Variants in LYST observed in about 807,000 individuals in gnomAD.
LYST encodes lysosomal trafficking regulator.
In LYST, 192 loss-of-function variants were observed where a neutral mutation model predicts 413.6. The ratio of observed to expected loss-of-function variants is 0.46; its 90% CI spans 0.41 to 0.52. The LOEUF (loss-of-function observed/expected upper bound fraction) is 0.52. LYST is among the 20% of genes least tolerant of loss of function. The pLI is 0.00. For synonymous variants in LYST, 1,525 were observed against 1,567.3 expected, an observed-to-expected ratio of 0.97 and a Z score of 0.64; for missense variants, 3,815 against 4,499.9, an observed-to-expected ratio of 0.85 and a Z score of 4.35.
chr1:235,747,392 T>C (rs1465551216), intron 28 of LYST: 2 of 290,064 alleles, frequency 6.9e-6, no homozygotes, highest in Non-Finnish European at 1.4e-5. Context: ...CAAAAATTAC[T>C]TACATATGAC....
At chr1:235,685,914 G>C (rs1252999178) in intron 48 of LYST, among the ~76,000 whole-genome samples, 2 of 151,394 alleles carry the variant, frequency 1.3e-5, no homozygotes, top group Non-Finnish European at 2.9e-5. Context: ...CCCTATGCTA[G>C]AAATACAGGT....
At chr1:235,694,230 G>A (rs1037264245) in intron 46 of LYST, among the ~76,000 whole-genome samples, 3 of 151,892 alleles carry the variant, frequency 2.0e-5, no homozygotes, top group Non-Finnish European at 2.9e-5. Flanking sequence ...GGCCAGGCTG[G>A]TCTCGAACTC....
intron 44 of LYST, among the ~76,000 whole-genome samples, chr1:235,703,973 T>C (rs529689180): frequency 6.6e-6 from 1 of 152,254 alleles, no homozygotes; most frequent in South Asian, 2.1e-4. Context: ...TGAGTTCTCA[T>C]TTAGCTTCCA....
Position 235,715,096 on chromosome 1 carries a change from G to T in LYST, c.9784+105C>A, listed in dbSNP as rs1397496083. On this transcript the variant is annotated intron_variant, in intron 42 of 52. Transcript: ENST00000389793. ...AATAGAATTCTTTTTCCTGTAGTTT[G>T]ATTAGTCTTAATAGTTCTTAAAATG... 3.1e-5 allele frequency: 32 copies of T among 1,038,960 alleles called. 1 individual carries two copies. Among genetic ancestry groups the T allele is most frequent in the Non-Finnish European group, 4.6e-5 (31 of 676,332 alleles). The allele number at this position is 1,038,960 out of a possible 1,614,324, so 64.4% of individuals were successfully genotyped here.
intron 31 of LYST, among the ~76,000 whole-genome samples, chr1:235,741,005 T>C (rs1005108385): frequency 6.6e-5 from 10 of 152,228 alleles, no homozygotes; most frequent in Non-Finnish European, 1.0e-4. Flanking sequence ...AAATGATTAA[T>C]AATTTTTATC....
intron 48 of LYST, among the ~76,000 whole-genome samples, chr1:235,683,212 C>T (rs778506384): frequency 1.8e-4 from 27 of 152,202 alleles, no homozygotes; most frequent in Non-Finnish European, 3.2e-4. Context: ...ACTGATGGGT[C>T]AGAAAATAAC....
intron 45 of LYST, among the ~76,000 whole-genome samples, chr1:235,701,177 T>C (rs868129745): frequency 2.0e-5 from 3 of 152,166 alleles, no homozygotes; most frequent in African/African-American, 7.2e-5. Context: ...ACAAAGGTTC[T>C]GAGGTGGGAA....
intron 11 of LYST, among the ~76,000 whole-genome samples, 167 bp downstream of exon 11, chr1:235,793,336 C>G (rs1323782467): frequency 2.0e-5 from 3 of 152,036 alleles, no homozygotes; most frequent in African/African-American, 7.2e-5. Context: ...AAAATATATG[C>G]AAATAATTGA....
chr1:235,835,984 C>T (rs796296234), intron 1 of LYST, among the ~76,000 whole-genome samples: 14 of 152,210 alleles, frequency 9.2e-5, no homozygotes, highest in Admixed American at 1.3e-4. Context: ...CTTGCCCCAA[C>T]GATATTCGTA....
intron 39 of LYST, among the ~76,000 whole-genome samples, chr1:235,723,031 ACT>A (rs1342400363): frequency 2.6e-5 from 4 of 152,172 alleles, no homozygotes; most frequent in East Asian, 1.9e-4. Flanking sequence ...AAGCAGTCAG[ACT>A]CTCGATGTAT....
intron 30 of LYST, among the ~76,000 whole-genome samples, chr1:235,742,148 T>C (rs1333417723): frequency 6.6e-6 from 1 of 152,014 alleles, no homozygotes; most frequent in Non-Finnish European, 1.5e-5. Flanking sequence ...GCACGGAGTT[T>C]CATTTGGGAT....
chr1:235,669,659 A>G (rs1009190749), intron 50 of LYST, among the ~76,000 whole-genome samples: 22 of 152,224 alleles, frequency 1.4e-4, no homozygotes, highest in African/African-American at 3.6e-4. Flanking sequence ...GTGAGCATAA[A>G]GTGGCCAATG....
chr1:235,757,339 T>C lies in LYST; in HGVS notation c.7001A>G (p.Asp2334Gly). 7 of 1,613,764 alleles carry C rather than the reference T, an allele frequency of 4.3e-6. No homozygotes were observed. Among genetic ancestry groups the C allele is most frequent in the Non-Finnish European group, 5.9e-6 (7 of 1,179,820 alleles). The change falls in exon 24 of 53, where the codon GAT becomes GGT. Residue 2334 changes from aspartate (D) to glycine (G), a missense_variant. Coordinates refer to ENST00000389793, the MANE Select transcript of LYST (RefSeq NM_000081.4). ...GTGGTTAACGAGGACCAAAAGTGTA[T>C]CTGCTTGAATAAGCTTGTCCATCAC... ...EDVMDKLIQA[D>G]TLLVLVNHPS...
chr1:235,797,572 A>T (rs1232042817), intron 10 of LYST, among the ~76,000 whole-genome samples: 1 of 152,110 alleles, frequency 6.6e-6, no homozygotes, highest in African/African-American at 2.4e-5. Flanking sequence ...TTCACACGCA[A>T]AATAATAATA....
At chr1:235,826,668 G>A (rs1252813276) in intron 3 of LYST, among the ~76,000 whole-genome samples, 1 of 152,096 alleles carries the variant, frequency 6.6e-6, no homozygotes, top group African/African-American at 2.4e-5. Flanking sequence ...GATGACACAG[G>A]TGTAAATATT....
chr1:235,780,926 C>A lies in LYST; in HGVS notation c.5153G>T (p.Arg1718Leu), dbSNP rs369847918. ...AAAAAGTTCTCTGATTTGTTCACATCGCAAAATTTCTTTATTAATATATTT... is the reference window on the plus strand; with the variant it reads ...AAAAAGTTCTCTGATTTGTTCACATAGCAAAATTTCTTTATTAATATATTT... ...YSKYINKEIL[R>L]CEQIRELFMT... Residue 1718 changes from arginine (R) to leucine (L), a missense_variant, in exon 16 of 53, where the codon CGA (arginine) becomes CTA (leucine). Arg to Leu is a moderately radical substitution (Grantham distance 102). Transcript: ENST00000389793. 10 of 1,591,690 alleles carry A rather than the reference C, an allele frequency of 6.3e-6. No individual in the cohort carries two copies. Among genetic ancestry groups the A allele is most frequent in the South Asian group, 5.7e-5 (5 of 87,794 alleles).
chr1:235,694,070 C>T (rs576247259), intron 46 of LYST, among the ~76,000 whole-genome samples: 46 of 148,442 alleles, frequency 3.1e-4, no homozygotes, highest in South Asian at 1.5e-3. Flanking sequence ...AGTGCCGTGG[C>T]GCAATCTCGG....
rs749681929 is a variant in LYST at position 235,830,297 on chromosome 1, T to C, written c.121A>G (p.Thr41Ala). ...CCATGGACAAGGTACTGTCCAAGGGTTGCCATGTGCGTCTCCTCCTCTTCT... is the reference window on the plus strand; with the variant it reads ...CCATGGACAAGGTACTGTCCAAGGGCTGCCATGTGCGTCTCCTCCTCTTCT... ...EEEEEETHMA[T>A]LGQYLVHGRG... is the part of the protein sequence containing the mutation. Residue 41 changes from threonine (T) to alanine (A), a missense_variant, in exon 3 of 53, where the codon ACC becomes GCC. Thr to Ala is a moderately conservative substitution (Grantham distance 58). Coordinates refer to ENST00000389793, the MANE Select transcript of LYST (RefSeq NM_000081.4). 1 of 1,613,964 alleles carries C rather than the reference T, an allele frequency of 6.2e-7. No homozygotes were observed. Among genetic ancestry groups the C allele is most frequent in the Non-Finnish European group, 8.5e-7 (1 of 1,179,902 alleles).
Position 235,688,404 on chromosome 1 carries a change from G to A in LYST, c.10702-1357C>T, listed in dbSNP as rs866935102. 3.3e-5 allele frequency among the ~76,000 whole-genome samples: 5 copies of A among 152,116 alleles called. No homozygotes were observed. In the East Asian group the frequency reaches 5.8e-4, roughly 18 times the overall value. ...GATAATCTAATATGTGAACTAAATC[G>A]TCATCTTTTGGTTTTCTTATTGCAT... On this transcript the variant is annotated intron_variant, in intron 47 of 52. Transcript: ENST00000389793.
Sources: gnomAD v4.1 joint callset for allele counts (sites outside exome capture counted in the v4.1 genomes callset) on GRCh38, gnomAD v4.1.1 for gene constraint, MANE v1.5 for transcripts, NCBI Gene and HGNC (gene_info 2026-07-23, HGNC 2026-07-21) for gene names.